ZNF704: variants seen among roughly 807,000 people sequenced by gnomAD.
ZNF704 encodes zinc finger protein 704.
Under a neutral mutation model 44.7 loss-of-function variants are expected in ZNF704, and 10 were observed. The ratio of observed to expected loss-of-function variants is 0.22; its 90% CI spans 0.14 to 0.38. The LOEUF (loss-of-function observed/expected upper bound fraction) is 0.38. ZNF704 is among the 10% of genes least tolerant of loss of function. The probability of loss-of-function intolerance (pLI) is 1.00; values close to 1 mark genes in which losing one functional copy is unlikely to be tolerated. For missense variants in ZNF704, 390 were observed against 545.5 expected (o/e 0.71, Z 2.84); for synonymous variants, 211 against 207.6 (o/e 1.02, Z -0.14).
At chr8:80,830,563 A>T (rs1363467234) in intron 1 of ZNF704, among the ~76,000 whole-genome samples, 1 of 152,032 alleles carries the variant, frequency 6.6e-6, no homozygotes. Context: ...CTGTATGAGT[A>T]GTAAGTTTAC....
At chr8:80,697,000 TACTC>T (rs1183191586) in intron 2 of ZNF704, among the ~76,000 whole-genome samples, 1 of 152,224 alleles carries the variant, frequency 6.6e-6, no homozygotes, top group Non-Finnish European at 1.5e-5. Context: ...GAATGAGAGA[TACTC>T]AATCTGTAAC....
intron 2 of ZNF704, among the ~76,000 whole-genome samples, chr8:80,746,499 G>T (rs1156666455): frequency 6.6e-6 from 1 of 152,176 alleles, no homozygotes; most frequent in Non-Finnish European, 1.5e-5. Flanking sequence ...CTCTTATGGG[G>T]TTCACATTCT....
chr8:80,662,614 C>G (rs1818119059), intron 6 of ZNF704, among the ~76,000 whole-genome samples: 1 of 152,124 alleles, frequency 6.6e-6, no homozygotes, highest in Admixed American at 6.5e-5. Flanking sequence ...AAATAAGTGG[C>G]TAAATTTTTC....
chr8:80,880,453 A>G, the ZNF704 span, among the ~76,000 whole-genome samples: 1 of 152,266 alleles, frequency 6.6e-6, no homozygotes, highest in Non-Finnish European at 1.5e-5. Context: ...AAGGGATAAA[A>G]GTCACATCTA....
At chr8:80,858,881 T>C (rs993452447) in intron 1 of ZNF704, among the ~76,000 whole-genome samples, 2 of 152,216 alleles carry the variant, frequency 1.3e-5, no homozygotes, top group African/African-American at 4.8e-5. Context: ...CCCCAGTATA[T>C]AGTGTACATT....
intron 2 of ZNF704, among the ~76,000 whole-genome samples, chr8:80,784,571 T>A (rs988146720): frequency 6.6e-6 from 1 of 152,252 alleles, no homozygotes; most frequent in Non-Finnish European, 1.5e-5. Context: ...TTTGAGGAGA[T>A]GTCTGTTCAG....
intron 2 of ZNF704, among the ~76,000 whole-genome samples, chr8:80,743,216 A>AAAAAC (rs1806791857): frequency 2.0e-5 from 3 of 147,564 alleles, no homozygotes; most frequent in African/African-American, 5.0e-5. Flanking sequence ...AAAAAAAAAA[A>AAAAAC]TCTCCTATTA....
intron 4 of ZNF704, among the ~76,000 whole-genome samples, chr8:80,681,282 T>C (rs1818449034): frequency 6.6e-6 from 1 of 152,228 alleles, no homozygotes; most frequent in African/African-American, 2.4e-5. Context: ...ATATTTAACT[T>C]TCTAAGAAAC....
At position 80,634,847 on chromosome 8, in the gene ZNF704, C is replaced by T. The variant is rs1385673884; in HGVS notation, c.*6519G>A. 1.3e-5 allele frequency: 2 copies of T among 152,236 alleles called. No individual in the cohort carries two copies. Among genetic ancestry groups the T allele is most frequent in the East Asian group, 1.9e-4 (1 of 5,186 alleles). 9.4% of individuals were successfully genotyped at this position (152,236 alleles called of 1,614,324 possible). On this transcript the variant is annotated 3_prime_UTR_variant, in exon 9 of 9. Transcript: ENST00000327835. ...AAATGAGACTCATTGGGTTCAAAAC[C>T]GTACAGCAATAAAAACTTCTTGGGG...
At chr8:80,831,461 G>C (rs1307096468) in intron 1 of ZNF704, among the ~76,000 whole-genome samples, 1 of 152,104 alleles carries the variant, frequency 6.6e-6, no homozygotes, top group Non-Finnish European at 1.5e-5. Flanking sequence ...TTTGAAGCTG[G>C]TATCAATTAT....
At chr8:80,646,317 T>C (rs1817833161) in intron 7 of ZNF704, among the ~76,000 whole-genome samples, 1 of 151,982 alleles carries the variant, frequency 6.6e-6, no homozygotes, top group Non-Finnish European at 1.5e-5. Context: ...CCATCTCTAC[T>C]AAAAATACAC....
At chr8:80,865,374 G>A (rs1426966727) in intron 1 of ZNF704, among the ~76,000 whole-genome samples, 1 of 152,182 alleles carries the variant, frequency 6.6e-6, no homozygotes, top group Non-Finnish European at 1.5e-5. Flanking sequence ...TCTGAACCCA[G>A]AGCCTGTGCC....
chr8:80,848,806 T>TA (rs113186294), intron 1 of ZNF704, among the ~76,000 whole-genome samples: 16 of 147,534 alleles, frequency 1.1e-4, no homozygotes, highest in East Asian at 2.0e-4. Flanking sequence ...AAGAAAAGGT[T>TA]AAAAAAAAAA....
chr8:80,857,429 T>A (rs953516660), intron 1 of ZNF704, among the ~76,000 whole-genome samples: 1 of 152,174 alleles, frequency 6.6e-6, no homozygotes, highest in Admixed American at 6.5e-5. Context: ...CATGAATGAG[T>A]ATTGAACTTT....
intron 2 of ZNF704, among the ~76,000 whole-genome samples, chr8:80,796,965 A>AAGGG (rs535065228): frequency 0.1 from 10,897 of 108,528 alleles, 619 homozygotes; most frequent in South Asian, 0.28. Context: ...GAGAGAAGGA[A>AAGGG]AGGGAGGGAG....
intron 2 of ZNF704, among the ~76,000 whole-genome samples, chr8:80,796,335 C>G (rs760618215): frequency 2.0e-5 from 3 of 152,176 alleles, no homozygotes; most frequent in Non-Finnish European, 4.4e-5. Flanking sequence ...CAGTCTCACT[C>G]TTGTGATAAC....
chr8:80,807,115 A>C (rs1483135898), intron 2 of ZNF704, among the ~76,000 whole-genome samples: 2 of 152,212 alleles, frequency 1.3e-5, no homozygotes, highest in Admixed American at 6.5e-5. Context: ...CCATAATTCC[A>C]TTGTAATAAT....
At chr8:80,825,407 A>G (rs939058100) in intron 1 of ZNF704, among the ~76,000 whole-genome samples, 2 of 152,254 alleles carry the variant, frequency 1.3e-5, no homozygotes, top group Non-Finnish European at 2.9e-5. Context: ...CCAATACAGG[A>G]GCACCCAGAT....
chr8:80,775,880 A>G (rs1807402009), intron 2 of ZNF704, among the ~76,000 whole-genome samples: 1 of 152,196 alleles, frequency 6.6e-6, no homozygotes, highest in Admixed American at 6.5e-5. Flanking sequence ...CATATACTAC[A>G]AAGAAAGTAA....
Sources: allele counts gnomAD v4.1 joint callset (sites outside exome capture counted in the v4.1 genomes callset), GRCh38; gene constraint gnomAD v4.1.1; transcripts MANE v1.5; gene names NCBI Gene and HGNC (gene_info 2026-07-23, HGNC 2026-07-21).